The following BRD4 variants were observed in gnomAD, a reference collection of about 807,000 sequenced individuals.
BRD4 encodes the protein bromodomain-containing protein 4.
In BRD4, 16 loss-of-function variants were observed where a neutral mutation model predicts 142.1. The observed-to-expected ratio is 0.11, with a 90% CI of 0.08 to 0.17. BRD4 has a LOEUF of 0.17. BRD4 is among the 10% of genes least tolerant of loss of function. The probability of loss-of-function intolerance (pLI) is 1.00; values close to 1 mark genes in which losing one functional copy is unlikely to be tolerated. For synonymous variants in BRD4, 833 were observed against 707.5 expected (o/e 1.18, Z -2.82); for missense variants, 1,424 against 1,810.9 (o/e 0.79, Z 3.88).
chr19:15,330,779 T>C lies in BRD4; in HGVS notation c.-35+1511A>G, dbSNP rs551523939. ...GAGACTCCATCTAAAAGTATATGTATATATTGGCAAGATCATAAAACAGAT... is the reference window on the plus strand; with the variant it reads ...GAGACTCCATCTAAAAGTATATGTACATATTGGCAAGATCATAAAACAGAT... On this transcript the variant is annotated intron_variant, in intron 1 of 19. Coordinates refer to ENST00000679869, the MANE Select transcript of BRD4 (RefSeq NM_001379291.1). Among the ~76,000 whole-genome samples the C allele has an allele frequency of 8.5e-5, 13 of 152,270 alleles. 2 individuals are homozygous for C. The highest frequency in any genetic ancestry group is 3.1e-4 in the African/African-American group (13 of 41,564).
intron 14 of BRD4, among the ~76,000 whole-genome samples, chr19:15,241,300 G>A (rs954737616): frequency 2.0e-5 from 3 of 152,250 alleles, no homozygotes; most frequent in Non-Finnish European, 4.4e-5. Flanking sequence ...CTAGGGCAGT[G>A]CCTTCAGCAC....
chr19:15,290,842 A>G (rs1239401500), intron 1 of BRD4, among the ~76,000 whole-genome samples: 3 of 152,162 alleles, frequency 2.0e-5, no homozygotes, highest in African/African-American at 7.2e-5. Flanking sequence ...TGCTATCTCT[A>G]GGGGATGATA....
intron 1 of BRD4, among the ~76,000 whole-genome samples, chr19:15,279,769 AC>A (rs2047687067): frequency 6.6e-6 from 1 of 152,136 alleles, no homozygotes; most frequent in African/African-American, 2.4e-5. Flanking sequence ...CACTGAGAAA[AC>A]CAATGGGTTG....
chr19:15,266,368 C>T (rs1038889557), intron 4 of BRD4, among the ~76,000 whole-genome samples: 3 of 152,312 alleles, frequency 2.0e-5, no homozygotes, highest in Admixed American at 6.5e-5. Context: ...TCTATCAGCT[C>T]AAGCAGCACC....
intron 1 of BRD4, among the ~76,000 whole-genome samples, chr19:15,299,980 C>A (rs544164501): frequency 6.6e-6 from 1 of 152,354 alleles, no homozygotes; most frequent in East Asian, 1.9e-4. Flanking sequence ...CACAGTGATT[C>A]ATGCCTGCAA....
At chr19:15,251,951 C>G (rs2047352311) in intron 11 of BRD4, among the ~76,000 whole-genome samples, 1 of 152,114 alleles carries the variant, frequency 6.6e-6, no homozygotes, top group Admixed American at 6.5e-5. Context: ...CCGCCAGAGC[C>G]TGGGAGCCTG....
intron 11 of BRD4, chr19:15,253,450 A>G: frequency 8.8e-7 from 1 of 1,132,134 alleles, no homozygotes; most frequent in Non-Finnish European, 1.3e-6. Flanking sequence ...TCTAATGGGG[A>G]ACCCAGGGTC....
chr19:15,247,222 A>G, intron 11 of BRD4: 1 of 218,584 alleles, frequency 4.6e-6, no homozygotes, highest in Non-Finnish European at 9.2e-6. Flanking sequence ...AATGGAGGGT[A>G]AGGTCAGGGC....
intron 1 of BRD4, among the ~76,000 whole-genome samples, chr19:15,320,139 G>A (rs1335727731): frequency 1.3e-5 from 2 of 152,164 alleles, no homozygotes; most frequent in Non-Finnish European, 2.9e-5. Context: ...CTCTTAAGGA[G>A]TGATGATCTA....
intron 1 of BRD4, among the ~76,000 whole-genome samples, chr19:15,291,266 C>T (rs2047780268): frequency 6.6e-6 from 1 of 152,140 alleles, no homozygotes; most frequent in South Asian, 2.1e-4. Context: ...GTATCCCCAT[C>T]ATTTGAAATT....
chr19:15,265,739 A>G, intron 4 of BRD4, 96 bp from the exon 5 acceptor site: 1 of 1,324,134 alleles, frequency 7.6e-7, no homozygotes, highest in East Asian at 2.3e-5. Context: ...GTGAACGCAC[A>G]TTCGCGTGTT....
intron 7 of BRD4, among the ~76,000 whole-genome samples, chr19:15,261,903 T>C (rs960789777): frequency 6.6e-5 from 10 of 150,684 alleles, no homozygotes; most frequent in Admixed American, 5.9e-4. Context: ...AATAAATAAA[T>C]AAAAAAAAGT....
At chr19:15,244,920 G>C in intron 11 of BRD4, 158 bp from the exon 12 acceptor site, 2 of 1,281,482 alleles carry the variant, frequency 1.6e-6, no homozygotes, top group South Asian at 1.4e-5. Flanking sequence ...TGGTCATCAC[G>C]GGAGAGGGAG....
chr19:15,302,668 CAAAAAAAAAAAAAAA>C (rs572714842), intron 1 of BRD4, among the ~76,000 whole-genome samples: 8 of 56,790 alleles, frequency 1.4e-4, no homozygotes, highest in Non-Finnish European at 2.3e-4. Context: ...GACTCCGACT[CAAAAAAAAAAAAAAA>C]AAAAAAAAAA....
intron 1 of BRD4, among the ~76,000 whole-genome samples, chr19:15,319,949 A>C (rs912203536): frequency 2.0e-5 from 3 of 152,174 alleles, no homozygotes; most frequent in African/African-American, 7.2e-5. Flanking sequence ...AACAAAACAA[A>C]ACAAAAAAGC....
rs944760252 is a variant in BRD4 at position 15,235,582 on chromosome 19, C to G, written c.*2795G>C. On this transcript the variant is annotated 3_prime_UTR_variant, in exon 20 of 20. Coordinates refer to ENST00000679869, the MANE Select transcript of BRD4 (RefSeq NM_001379291.1). ...AGAACTGCACAAAAAAAAAAAAAAA[C>G]CTTTCGTATGTAAGTGAAAAGTCTA... 1 of 149,186 alleles carries G rather than the reference C, an allele frequency of 6.7e-6. No homozygotes were observed. Among genetic ancestry groups the G allele is most frequent in the Non-Finnish European group, 1.5e-5 (1 of 67,364 alleles). The allele number at this position is 149,186 out of a possible 1,614,324, so 9.2% of individuals were successfully genotyped here.
At position 15,237,083 on chromosome 19, in the gene BRD4, G is replaced by A; in HGVS notation, c.*1294C>T. On this transcript the variant is annotated 3_prime_UTR_variant, in exon 20 of 20. Coordinates refer to ENST00000679869, the MANE Select transcript of BRD4 (RefSeq NM_001379291.1). ...CTGGTTGGGGCTGGGCGCCAGGTAG[G>A]GGAGTCTCTGCCTTAGTCTGTGGCG... 1 of 213,698 alleles carries A rather than the reference G, an allele frequency of 4.7e-6. No individual in the cohort carries two copies. The highest frequency in any genetic ancestry group is 2.3e-5 in the African/African-American group (1 of 43,774). 13.2% of individuals were successfully genotyped at this position (213,698 alleles called of 1,614,324 possible). A position where few individuals can be genotyped will look rare whatever the true frequency, so the allele number is the denominator to read the frequency against.
intron 1 of BRD4, among the ~76,000 whole-genome samples, chr19:15,299,321 G>A (rs2047849043): frequency 6.6e-6 from 1 of 152,154 alleles, no homozygotes; most frequent in Non-Finnish European, 1.5e-5. Context: ...AACTTTCACA[G>A]AAACTCACAC....
chr19:15,294,162 A>C (rs1234404278), intron 1 of BRD4, among the ~76,000 whole-genome samples: 2 of 152,274 alleles, frequency 1.3e-5, no homozygotes, highest in Admixed American at 6.5e-5. Context: ...TCGCAAATGT[A>C]ATGATTTTCT....
Sources: gnomAD v4.1 joint callset for allele counts (sites outside exome capture counted in the v4.1 genomes callset) on GRCh38, gnomAD v4.1.1 for gene constraint, MANE v1.5 for transcripts, NCBI Gene and HGNC (gene_info 2026-07-23, HGNC 2026-07-21) for gene names.